Variants in KCND2 observed in about 807,000 individuals in gnomAD.
KCND2 encodes the protein potassium voltage-gated channel subfamily D member 2.
A neutral mutation model predicts 54.4 loss-of-function variants in KCND2; 16 were observed. That is an observed-to-expected ratio of 0.29 (90% CI 0.20 to 0.45). The LOEUF is 0.45. Ranked by LOEUF, KCND2 falls within the 20% of genes least tolerant of loss-of-function variation. KCND2 has a pLI of 1.00. For missense variants in KCND2, 486 were observed against 824.2 expected, an observed-to-expected ratio of 0.59 and a Z score of 5.02; for synonymous variants, 317 against 310.7, an observed-to-expected ratio of 1.02 and a Z score of -0.21.
chr7:120,686,812 C>T (rs1392724928), intron 1 of KCND2, among the ~76,000 whole-genome samples: 1 of 152,144 alleles, frequency 6.6e-6, no homozygotes, highest in East Asian at 1.9e-4. Context: ...CAGTTAAACT[C>T]TGCCATTTTG....
At chr7:120,545,949 C>G (rs138900966) in intron 1 of KCND2, among the ~76,000 whole-genome samples, 2 of 151,596 alleles carry the variant, frequency 1.3e-5, no homozygotes, top group Admixed American at 6.6e-5. Flanking sequence ...AGCTTCCTAA[C>G]TCTGAGCTAA....
At chr7:120,486,103 C>T (rs904454969) in intron 1 of KCND2, among the ~76,000 whole-genome samples, 30 of 152,060 alleles carry the variant, frequency 2.0e-4, no homozygotes, top group Non-Finnish European at 1.0e-4. Context: ...TTGGTGGGCA[C>T]AACCCTTATG....
chr7:120,666,241 T>C (rs1460742912), intron 1 of KCND2, among the ~76,000 whole-genome samples: 3 of 151,948 alleles, frequency 2.0e-5, no homozygotes, highest in Non-Finnish European at 4.4e-5. Flanking sequence ...ATTTGAGATC[T>C]AAAGAACATT....
At chr7:120,536,242 T>TA (rs1562866779) in intron 1 of KCND2, among the ~76,000 whole-genome samples, 4 of 152,050 alleles carry the variant, frequency 2.6e-5, no homozygotes, top group East Asian at 1.9e-4. Context: ...ATACCTTAAT[T>TA]AAAAAAATAT....
At chr7:120,557,028 C>T (rs77379745) in intron 1 of KCND2, among the ~76,000 whole-genome samples, 33 of 152,160 alleles carry the variant, frequency 2.2e-4, no homozygotes, top group East Asian at 7.7e-4. Context: ...ATTTTATCTC[C>T]GAACTTTGTA....
chr7:120,702,535 C>A (rs918831191), intron 1 of KCND2, among the ~76,000 whole-genome samples: 8 of 152,124 alleles, frequency 5.3e-5, no homozygotes, highest in African/African-American at 1.7e-4. Flanking sequence ...GACATAGAAT[C>A]AACCTAAATG....
chr7:120,358,579 G>A (rs1800542313), intron 1 of KCND2, among the ~76,000 whole-genome samples: 1 of 151,824 alleles, frequency 6.6e-6, no homozygotes, highest in South Asian at 2.1e-4. Context: ...CTTAATATCA[G>A]CAATATTGCT....
chr7:120,346,815 A>G (rs915972063), intron 1 of KCND2, among the ~76,000 whole-genome samples: 7 of 152,146 alleles, frequency 4.6e-5, no homozygotes, highest in Non-Finnish European at 8.8e-5. Flanking sequence ...AAAATGTGAC[A>G]GAAGCTTCTT....
chr7:120,327,621 C>T (rs935948305), intron 1 of KCND2, among the ~76,000 whole-genome samples: 4 of 152,044 alleles, frequency 2.6e-5, no homozygotes, highest in African/African-American at 9.7e-5. Context: ...TGCTATTTGA[C>T]ACATTTATAG....
chr7:120,464,018 T>TG, intron 1 of KCND2: 1 of 471,312 alleles, frequency 2.1e-6, no homozygotes, highest in Non-Finnish European at 2.8e-6. Context: ...CTTAGTTTTG[T>TG]TTTTTTTTTT....
chr7:120,567,348 T>C (rs1323230583), intron 1 of KCND2, among the ~76,000 whole-genome samples: 1 of 152,190 alleles, frequency 6.6e-6, no homozygotes, highest in Non-Finnish European at 1.5e-5. Context: ...TCTGTTTATA[T>C]TTGTTGCAAC....
At chr7:120,464,718 T>C (rs1230620493) in intron 1 of KCND2, among the ~76,000 whole-genome samples, 3 of 152,178 alleles carry the variant, frequency 2.0e-5, no homozygotes, top group Non-Finnish European at 4.4e-5. Context: ...TAGTTATTTG[T>C]GGCTGTAGGT....
intron 2 of KCND2, among the ~76,000 whole-genome samples, chr7:120,740,228 A>T (rs1222246069): frequency 1.3e-5 from 2 of 152,036 alleles, no homozygotes; most frequent in African/African-American, 4.8e-5. Flanking sequence ...GAAGCCTAGG[A>T]GTGGGATGGC....
chr7:120,391,852 C>T (rs560418813), intron 1 of KCND2, among the ~76,000 whole-genome samples: 1 of 152,056 alleles, frequency 6.6e-6, no homozygotes, highest in Admixed American at 6.5e-5. Context: ...AAAAGTTTCT[C>T]CCATTCTGTC....
chr7:120,495,501 T>C (rs1440272756), intron 1 of KCND2, among the ~76,000 whole-genome samples: 5 of 152,222 alleles, frequency 3.3e-5, no homozygotes, highest in South Asian at 4.1e-4. Flanking sequence ...CCCAGAACTA[T>C]GCAGGTTGTG....
chr7:120,356,276 A>AT (rs11323659), intron 1 of KCND2, among the ~76,000 whole-genome samples: 35 of 151,954 alleles, frequency 2.3e-4, no homozygotes, highest in Admixed American at 8.5e-4. Flanking sequence ...TAATTACAAC[A>AT]TTTTTTACAA....
chr7:120,345,515 C>T (rs1387139338), intron 1 of KCND2, among the ~76,000 whole-genome samples: 2 of 152,088 alleles, frequency 1.3e-5, no homozygotes, highest in African/African-American at 2.4e-5. Flanking sequence ...AAAACCGAAA[C>T]TCTGTACCTA....
At chr7:120,307,919 A>G (rs1584722488) in intron 1 of KCND2, among the ~76,000 whole-genome samples, 2 of 152,146 alleles carry the variant, frequency 1.3e-5, no homozygotes, top group East Asian at 3.9e-4. Context: ...CGTAAATAAT[A>G]TGGCAGAAGG....
chr7:120,586,089 G>T (rs958939713), intron 1 of KCND2, among the ~76,000 whole-genome samples: 1 of 151,880 alleles, frequency 6.6e-6, no homozygotes. Context: ...TTCTATATAG[G>T]AACTATGTGG....
Sources: gnomAD v4.1 joint callset for allele counts (sites outside exome capture counted in the v4.1 genomes callset) on GRCh38, gnomAD v4.1.1 for gene constraint, MANE v1.5 for transcripts, NCBI Gene and HGNC (gene_info 2026-07-23, HGNC 2026-07-21) for gene names.